PLAAT2: variants seen among roughly 807,000 people sequenced by gnomAD.
PLAAT2 encodes the protein phospholipase A and acyltransferase 2, also known as HRAS like suppressor 2.
PLAAT2 carries 12 observed loss-of-function variants against 12.8 expected under a neutral mutation model. The ratio of observed to expected loss-of-function variants is 0.94; its 90% CI spans 0.60 to 1.52. The LOEUF is 1.52. Ranked by LOEUF, PLAAT2 falls within the 40% of genes most tolerant of loss-of-function variation. The pLI is 0.00. For missense variants in PLAAT2, 166 were observed against 208.1 expected, an observed-to-expected ratio of 0.80 and a Z score of 1.24; for synonymous variants, 79 against 86.8, an observed-to-expected ratio of 0.91 and a Z score of 0.50.
upstream of PLAAT2, chr11:63,563,514 C>A: frequency 1.7e-6 from 1 of 596,938 alleles, no homozygotes; most frequent in South Asian, 1.9e-5. Flanking sequence ...GTCAGGAGAT[C>A]GAGACCATCC....
At chr11:63,555,470 T>G (rs2017458574) in intron 3 of PLAAT2, among the ~76,000 whole-genome samples, 1 of 152,202 alleles carries the variant, frequency 6.6e-6, no homozygotes, top group Non-Finnish European at 1.5e-5. Context: ...GGTGGATCAC[T>G]TAAGCCCAGA....
upstream of PLAAT2, among the ~76,000 whole-genome samples, chr11:63,564,479 G>A (rs2017546528): frequency 6.6e-6 from 1 of 152,168 alleles, no homozygotes; most frequent in African/African-American, 2.4e-5. Flanking sequence ...CAAACAAAGA[G>A]CTTTAGTGTG....
Position 63,558,492 on chromosome 11 carries a change from G to T in PLAAT2, c.287C>A (p.Ala96Glu). The change falls in exon 3 of 4, where the codon GCA (alanine) becomes GAA (glutamate). Residue 96 changes from alanine (A) to glutamate (E), a missense_variant. Ala to Glu is a moderately radical substitution (Grantham distance 107). Transcript: ENST00000255695. The part of the protein sequence containing the change: ...PLPSNKIVKR[A>E]EELVGQELPY... Reference sequence around the variant, plus strand: ...CAACTCCTGCCCCACCAACTCCTCTGCCCGCTTGACGATTTTGTTGGAAGG... The same window carrying T: ...CAACTCCTGCCCCACCAACTCCTCTTCCCGCTTGACGATTTTGTTGGAAGG... 1 of 1,614,222 alleles carries T rather than the reference G, an allele frequency of 6.2e-7. No homozygotes were observed. Among genetic ancestry groups the T allele is most frequent in the African/African-American group, 1.3e-5 (1 of 75,050 alleles).
In PLAAT2 at chr11:63,552,833, G is replaced by T; in HGVS notation, c.*131C>A. ...GCTGCATTTCCAAATACATTTTCCTGTGCTTTTAACTCCATTAAAATAAAG... is the reference window on the plus strand; with the variant it reads ...GCTGCATTTCCAAATACATTTTCCTTTGCTTTTAACTCCATTAAAATAAAG... On this transcript the variant is annotated 3_prime_UTR_variant, in exon 4 of 4. Coordinates refer to ENST00000255695, the MANE Select transcript of PLAAT2 (RefSeq NM_017878.2). 1 of 636,592 alleles carries T rather than the reference G, an allele frequency of 1.6e-6. No individual in the cohort carries two copies. The allele number at this position is 636,592 out of a possible 1,614,324, so 39.4% of individuals were successfully genotyped here. A position where few individuals can be genotyped will look rare whatever the true frequency, so the allele number is the denominator to read the frequency against.
intron 3 of PLAAT2, among the ~76,000 whole-genome samples, chr11:63,554,016 A>G (rs1267592338): frequency 6.6e-6 from 1 of 151,960 alleles, no homozygotes; most frequent in East Asian, 1.9e-4. Context: ...AAAAAACCAC[A>G]GAGATGTGAG....
intron 2 of PLAAT2, among the ~76,000 whole-genome samples, 177 bp from the exon 3 acceptor site, chr11:63,558,837 G>A (rs1490813028): frequency 1.3e-5 from 2 of 152,216 alleles, no homozygotes; most frequent in African/African-American, 4.8e-5. Context: ...CTTTGGAGAA[G>A]GTCCCTAAGT....
intron 3 of PLAAT2, among the ~76,000 whole-genome samples, chr11:63,554,843 C>A (rs117353413): frequency 2.0e-5 from 3 of 152,096 alleles, no homozygotes; most frequent in South Asian, 2.1e-4. Context: ...GGAAAAAAAA[C>A]CATTTTATTC....
In PLAAT2 at chr11:63,553,042, T is replaced by C; in HGVS notation, c.411A>G (p.Val137=). 4 of 1,613,420 alleles carry C rather than the reference T, an allele frequency of 2.5e-6. No homozygotes were observed. Among genetic ancestry groups the C allele is most frequent in the Non-Finnish European group, 3.4e-6 (4 of 1,179,582 alleles). The change falls in exon 4 of 4, where the codon GTA becomes GTG. Residue 137 remains valine (V), a synonymous_variant. Transcript: ENST00000255695. ...CAGCCAGCAGGCCTGCTGCCACACC[T>C]ACTGTCGTGACTGCACCAGTGACCT... ...SDQVTGAVTT[V]GVAAGLLAAA...
intron 2 of PLAAT2, among the ~76,000 whole-genome samples, chr11:63,559,026 T>C (rs1158102395): frequency 6.6e-6 from 1 of 152,152 alleles, no homozygotes; most frequent in Non-Finnish European, 1.5e-5. Context: ...AAAAAGTCAC[T>C]CCAGGCCAGG....
At chr11:63,561,989 C>T (rs932320517) in intron 1 of PLAAT2, among the ~76,000 whole-genome samples, 3 of 152,194 alleles carry the variant, frequency 2.0e-5, no homozygotes, top group Admixed American at 1.3e-4. Context: ...AAAGAATCAC[C>T]CTATTATTCC....
chr11:63,560,280 C>A, intron 1 of PLAAT2, 87 bp from the exon 2 acceptor site: 1 of 892,960 alleles, frequency 1.1e-6, no homozygotes, highest in African/African-American at 1.7e-5. Flanking sequence ...CCCAGCTCAG[C>A]CTGCAGATTC....
At chr11:63,560,013 A>G in intron 2 of PLAAT2, 72 bp downstream of exon 2, 1 of 1,028,532 alleles carries the variant, frequency 9.7e-7, no homozygotes, top group East Asian at 2.4e-5. Flanking sequence ...AAGTGAGGAC[A>G]AGCACGTAAC....
At chr11:63,559,216 T>C (rs1334056174) in intron 2 of PLAAT2, among the ~76,000 whole-genome samples, 1 of 152,318 alleles carries the variant, frequency 6.6e-6, no homozygotes, top group Non-Finnish European at 1.5e-5. Context: ...GGCTGGAGGA[T>C]TGCTTTAGCG....
intron 3 of PLAAT2, 120 bp from the exon 4 acceptor site, chr11:63,553,185 A>C: frequency 9.5e-6 from 6 of 633,656 alleles, no homozygotes; most frequent in Non-Finnish European, 1.6e-5. Context: ...TGAATCACAG[A>C]GGGAACAAAT....
At chr11:63,560,656 CG>C (rs151309493) in intron 1 of PLAAT2, among the ~76,000 whole-genome samples, 1 of 152,102 alleles carries the variant, frequency 6.6e-6, no homozygotes, top group Non-Finnish European at 1.5e-5. Context: ...CAGAGGCAGG[CG>C]GACACTTGAC....
chr11:63,553,022 A>G lies in PLAAT2; in HGVS notation c.431T>C (p.Leu144Pro). 6.2e-7 allele frequency: 1 copy of G among 1,613,888 alleles called. No homozygotes were observed. Residue 144 changes from leucine (L) to proline (P), a missense_variant, in exon 4 of 4, where the codon CTG (leucine) becomes CCG (proline). Leu to Pro is a moderately conservative substitution (Grantham distance 98). Transcript: ENST00000255695. The stretch of plus-strand genomic sequence containing the variant: ...GATCCCCACAAGGCTTGCGGCAGCC[A>G]GCAGGCCTGCTGCCACACCTACTGT... ...VTTVGVAAGL[L>P]AAASLVGILL...
chr11:63,558,291 A>G (rs2017485566), intron 3 of PLAAT2, 101 bp downstream of exon 3: 4 of 1,321,894 alleles, frequency 3.0e-6, no homozygotes, highest in South Asian at 1.3e-5. Context: ...TGTCTTGCTC[A>G]TGTCTATTTC....
At chr11:63,554,438 C>T (rs1402333871) in intron 3 of PLAAT2, among the ~76,000 whole-genome samples, 1 of 151,928 alleles carries the variant, frequency 6.6e-6, no homozygotes, top group East Asian at 1.9e-4. Context: ...TCGAGACCAG[C>T]CTGGCCAACA....
In PLAAT2 at chr11:63,558,490, C is replaced by G. The variant is rs770618531; in HGVS notation, c.289G>C (p.Glu97Gln). The G allele has an allele frequency of 1.9e-6, 3 of 1,614,268 alleles. No homozygotes were observed. The highest frequency in any genetic ancestry group is 1.7e-5 in the Admixed American group (1 of 60,028). ...GGCAACTCCTGCCCCACCAACTCCT[C>G]TGCCCGCTTGACGATTTTGTTGGAA... ...LPSNKIVKRA[E>Q]ELVGQELPYS... The change falls in exon 3 of 4, where the codon GAG (glutamate) becomes CAG (glutamine). Residue 97 changes from glutamate (E) to glutamine (Q), a missense_variant. Glu to Gln is a conservative substitution (Grantham distance 29). Coordinates refer to ENST00000255695, the MANE Select transcript of PLAAT2 (RefSeq NM_017878.2).
Sources: allele counts gnomAD v4.1 joint callset (sites outside exome capture counted in the v4.1 genomes callset), GRCh38; gene constraint gnomAD v4.1.1; transcripts MANE v1.5; gene names NCBI Gene and HGNC (gene_info 2026-07-23, HGNC 2026-07-21).